DACH1: variants seen among roughly 807,000 people sequenced by gnomAD.
DACH1 encodes dachshund homolog 1.
In DACH1, 12 loss-of-function variants were observed where a neutral mutation model predicts 54.2. That is an observed-to-expected ratio of 0.22 (90% confidence interval 0.14 to 0.36). The LOEUF is 0.36. Among genes scored for constraint, DACH1 ranks in the 10% least tolerant of loss-of-function variants. The probability of loss-of-function intolerance (pLI) is 1.00; values close to 1 mark genes in which losing one functional copy is unlikely to be tolerated. For missense variants in DACH1, 805 were observed against 929.8 expected, an observed-to-expected ratio of 0.87 and a Z score of 1.75; for synonymous variants, 386 against 366.2, an observed-to-expected ratio of 1.05 and a Z score of -0.62.
intron 10 of DACH1, among the ~76,000 whole-genome samples, chr13:71,452,786 G>C (rs1016200122): frequency 6.6e-6 from 1 of 152,128 alleles, no homozygotes; most frequent in African/African-American, 2.4e-5. Context: ...CAATTGTAAA[G>C]TTTATGAAGT....
At chr13:71,556,274 T>G (rs1884243813) in intron 6 of DACH1, among the ~76,000 whole-genome samples, 1 of 152,142 alleles carries the variant, frequency 6.6e-6, no homozygotes, top group South Asian at 2.1e-4. Flanking sequence ...CAAAAAAAGA[T>G]AAGCAAATTA....
intron 1 of DACH1, among the ~76,000 whole-genome samples, chr13:71,851,559 G>C (rs995303039): frequency 6.6e-6 from 1 of 152,058 alleles, no homozygotes; most frequent in Non-Finnish European, 1.5e-5. Flanking sequence ...TACTGAGCTG[G>C]TATATAGTGG....
At chr13:71,700,582 AAAAG>A (rs1278328114) in intron 1 of DACH1, among the ~76,000 whole-genome samples, 5 of 86,258 alleles carry the variant, frequency 5.8e-5, no homozygotes, top group Non-Finnish European at 1.1e-4. Flanking sequence ...AAAAAAAAAA[AAAAG>A]AGAGAGAGAG....
intron 1 of DACH1, among the ~76,000 whole-genome samples, chr13:71,733,940 T>G (rs1431168920): frequency 2.6e-5 from 4 of 151,952 alleles, no homozygotes; most frequent in Non-Finnish European, 5.9e-5. Context: ...TCCGAGCTAC[T>G]CAGGAGGCTG....
intron 2 of DACH1, among the ~76,000 whole-genome samples, chr13:71,643,335 T>C (rs1415695119): frequency 3.3e-5 from 5 of 152,210 alleles, no homozygotes. Context: ...ACTCTTACCA[T>C]ACATCTTTCT....
chr13:71,746,568 C>G (rs188032357), intron 1 of DACH1, among the ~76,000 whole-genome samples: 15 of 152,290 alleles, frequency 9.8e-5, no homozygotes, highest in Admixed American at 9.1e-4. Context: ...TCCTCTTATA[C>G]CCCCAGAGCA....
intron 6 of DACH1, among the ~76,000 whole-genome samples, chr13:71,542,080 A>G (rs1396782088): frequency 6.6e-6 from 1 of 151,480 alleles, no homozygotes; most frequent in Non-Finnish European, 1.5e-5. Context: ...AAACTCCTTC[A>G]CTATTAAAAA....
intron 3 of DACH1, among the ~76,000 whole-genome samples, chr13:71,615,356 CAG>C (rs1233547212): frequency 6.6e-6 from 1 of 152,100 alleles, no homozygotes; most frequent in East Asian, 1.9e-4. Flanking sequence ...CGGTAAATCC[CAG>C]TTAAACCAAG....
At position 71,866,565 on chromosome 13, in the gene DACH1, T is replaced by TGGC. The variant is rs1323199941; in HGVS notation, c.202_204dup (p.Ala68dup). On this transcript the variant is annotated inframe_insertion, in exon 1 of 11. Coordinates refer to ENST00000613252, the MANE Select transcript of DACH1 (RefSeq NM_080759.6). Reference sequence around the variant, plus strand: ...CCGCCGCCGCCGGTAGAGGTGACTGTGGCCGCCGCCGCCGCCGCCGAAGCG... The same window carrying TGGC: ...CCGCCGCCGCCGGTAGAGGTGACTGTGGCGGCCGCCGCCGCCGCCGCCGAAGCG... 2 of 1,254,622 alleles carry TGGC rather than the reference T, an allele frequency of 1.6e-6. No homozygotes were observed. The highest frequency in any genetic ancestry group is 3.2e-5 in the African/African-American group (2 of 62,460). The allele number at this position is 1,254,622 out of a possible 1,614,324, so 77.7% of individuals were successfully genotyped here. A position where few individuals can be genotyped will look rare whatever the true frequency, so the allele number is the denominator to read the frequency against.
chr13:71,866,832 G>C lies in DACH1; in HGVS notation c.-63C>G. On this transcript the variant is annotated 5_prime_UTR_variant, in exon 1 of 11. Coordinates refer to ENST00000613252, the MANE Select transcript of DACH1 (RefSeq NM_080759.6). ...GAGGAAAAGTTGCCACACACCCCCG[G>C]GAGGGGAAGGGGAAAAAAGGGGGGA... 1.6e-6 allele frequency: 2 copies of C among 1,248,470 alleles called. No individual in the cohort carries two copies. Among genetic ancestry groups the C allele is most frequent in the East Asian group, 6.4e-5 (2 of 31,174 alleles). The allele number at this position is 1,248,470 out of a possible 1,614,324, so 77.3% of individuals were successfully genotyped here. A position where few individuals can be genotyped will look rare whatever the true frequency, so the allele number is the denominator to read the frequency against.
intron 1 of DACH1, among the ~76,000 whole-genome samples, chr13:71,862,875 T>C (rs1414322661): frequency 6.6e-6 from 1 of 152,074 alleles, no homozygotes; most frequent in Non-Finnish European, 1.5e-5. Context: ...TTGATGTTTC[T>C]CATTGTATAT....
In DACH1 at chr13:71,657,032, A is replaced by G. The variant is rs542711631; in HGVS notation, c.964+24763T>C. Among the ~76,000 whole-genome samples, 363 of 148,966 alleles carry G rather than the reference A, an allele frequency of 2.4e-3. 4 individuals carry two copies. The highest frequency in any genetic ancestry group is 8.6e-3 in the African/African-American group (351 of 40,896). On this transcript the variant is annotated intron_variant, in intron 2 of 10. Transcript: ENST00000613252. ...TATATATACACACACACACATATAT[A>G]TACATAAACATGTGTGTGTGTGCAT...
chr13:71,513,358 A>C (rs981655212), intron 6 of DACH1, among the ~76,000 whole-genome samples: 1 of 152,018 alleles, frequency 6.6e-6, no homozygotes, highest in African/African-American at 2.4e-5. Context: ...TGATTGTACC[A>C]AGAAAATTGC....
At chr13:71,542,954 T>C (rs1883231867) in intron 6 of DACH1, among the ~76,000 whole-genome samples, 2 of 152,168 alleles carry the variant, frequency 1.3e-5, no homozygotes, top group African/African-American at 4.8e-5. Flanking sequence ...TGAAAGCTCT[T>C]AGTCTAACAA....
chr13:71,866,680 G>C lies in DACH1; in HGVS notation c.90C>G (p.Thr30=). The stretch of plus-strand genomic sequence containing the variant: ...ACGAAGTCGCCGAAGAGGTGGAGGT[G>C]GTGGTGCCAGAGGAGGAAGCAGACG... The part of the protein sequence containing the change: ...ISTSASSSGT[T]TSTSSATSSP... The change falls in exon 1 of 11, where the codon ACC becomes ACG. Residue 30 remains threonine, a synonymous_variant. Coordinates refer to ENST00000613252, the MANE Select transcript of DACH1 (RefSeq NM_080759.6). 6.9e-7 allele frequency: 1 copy of C among 1,457,756 alleles called. No individual in the cohort carries two copies. The highest frequency in any genetic ancestry group is 9.1e-7 in the Non-Finnish European group (1 of 1,098,232). 90.3% of individuals were successfully genotyped at this position (1,457,756 alleles called of 1,614,324 possible).
intron 6 of DACH1, among the ~76,000 whole-genome samples, chr13:71,530,190 T>A (rs1286233408): frequency 6.6e-6 from 1 of 152,094 alleles, no homozygotes; most frequent in African/African-American, 2.4e-5. Context: ...CTTGGAACAC[T>A]AGAGAAAATT....
At chr13:71,623,964 C>A (rs1226088001) in intron 3 of DACH1, among the ~76,000 whole-genome samples, 1 of 151,834 alleles carries the variant, frequency 6.6e-6, no homozygotes, top group Non-Finnish European at 1.5e-5. Context: ...ACATTAGACT[C>A]TAATTCAAAG....
intron 1 of DACH1, among the ~76,000 whole-genome samples, chr13:71,818,274 A>T (rs1219824159): frequency 6.6e-6 from 1 of 152,188 alleles, no homozygotes; most frequent in Non-Finnish European, 1.5e-5. Context: ...GGCCTGATAG[A>T]AAGTATGCTG....
intron 10 of DACH1, among the ~76,000 whole-genome samples, chr13:71,446,749 C>T (rs147247114): frequency 6.6e-6 from 1 of 152,216 alleles, no homozygotes; most frequent in South Asian, 2.1e-4. Flanking sequence ...TGTGGATCTG[C>T]TCTTTGCCTT....
Sources: allele counts gnomAD v4.1 joint callset (sites outside exome capture counted in the v4.1 genomes callset), GRCh38; gene constraint gnomAD v4.1.1; transcripts MANE v1.5; gene names NCBI Gene and HGNC (gene_info 2026-07-23, HGNC 2026-07-21).